Variants in FAM53C observed in about 807,000 individuals in gnomAD.
The protein encoded by FAM53C is protein FAM53C.
Under a neutral mutation model 34.7 loss-of-function variants are expected in FAM53C, and 10 were observed. The ratio of observed to expected loss-of-function variants is 0.29; its 90% confidence interval spans 0.18 to 0.49. The LOEUF (loss-of-function observed/expected upper bound fraction) is 0.49. Among genes scored for constraint, FAM53C ranks in the 20% least tolerant of loss-of-function variants. FAM53C has a pLI of 0.99. For synonymous variants in FAM53C, 203 were observed against 203.6 expected (o/e 1.00, Z 0.03); for missense variants, 442 against 515.3 (o/e 0.86, Z 1.38).
At chr5:138,346,015 G>A (rs1469186327) in intron 4 of FAM53C, among the ~76,000 whole-genome samples, 1 of 152,246 alleles carries the variant, frequency 6.6e-6, no homozygotes, top group Non-Finnish European at 1.5e-5. Context: ...GTCTGTGAGG[G>A]CTGAAGCAAG....
chr5:138,345,349 T>C lies in FAM53C; in HGVS notation c.661T>C (p.Ser221Pro). ...QSGSWESDAE[S>P]LSPCPPQRRF... ...TGGCTCCTGGGAGAGTGATGCTGAG[T>C]CCTTGTCACCTTGCCCACCTCAGCG... Residue 221 changes from serine to proline, a missense_variant, in exon 4 of 5, where the codon TCC (serine) becomes CCC (proline). Coordinates refer to ENST00000239906, the MANE Select transcript of FAM53C (RefSeq NM_016605.3). The surrounding 1 kb of genome is among the most constrained non-coding windows in gnomAD (Gnocchi z 6.3). The C allele has an allele frequency of 2.5e-6, 4 of 1,614,022 alleles. No homozygotes were observed. The highest frequency in any genetic ancestry group is 3.4e-6 in the Non-Finnish European group (4 of 1,180,000).
intron 2 of FAM53C, 120 bp from the exon 3 acceptor site, chr5:138,341,689 A>C (rs190132056): frequency 7.3e-4 from 667 of 918,294 alleles, no homozygotes; most frequent in Middle Eastern, 1.1e-3. Context: ...GAGGAAGAAC[A>C]CTTAATGTCC....
At chr5:138,341,131 C>G in intron 1 of FAM53C, 53 bp from the exon 2 acceptor site, 1 of 678,110 alleles carries the variant, frequency 1.5e-6, no homozygotes, top group Non-Finnish European at 2.8e-6. Flanking sequence ...TTTTCCATCT[C>G]TGGACCAGGT....
At chr5:138,346,482 G>A (rs956228160) in intron 4 of FAM53C, among the ~76,000 whole-genome samples, 21 of 152,300 alleles carry the variant, frequency 1.4e-4, no homozygotes, top group Non-Finnish European at 2.2e-4. Flanking sequence ...AAAATTAGCC[G>A]GGCGTGGGCC....
In FAM53C at chr5:138,345,137, G is replaced by C; in HGVS notation, c.449G>C (p.Ser150Thr). 1 of 1,614,168 alleles carries C rather than the reference G, an allele frequency of 6.2e-7. No individual in the cohort carries two copies. The highest frequency in any genetic ancestry group is 8.5e-7 in the Non-Finnish European group (1 of 1,180,022). Residue 150 changes from serine (S) to threonine (T), a missense_variant, in exon 4 of 5, where the codon AGT becomes ACT. By Grantham distance (58) the Ser-to-Thr change is moderately conservative. Coordinates refer to ENST00000239906, the MANE Select transcript of FAM53C (RefSeq NM_016605.3). The surrounding 1 kb of genome is among the most constrained non-coding windows in gnomAD (Gnocchi z 6.3). Reference protein sequence around the residue: ...KLWTPIKHRGSGGGGGPQVPH... With the variant: ...KLWTPIKHRGTGGGGGPQVPH... ...TGGACTCCCATAAAGCACCGGGGCA[G>C]TGGTGGAGGGGGTGGGCCGCAGGTG...
Position 138,344,497 on chromosome 5 carries a change from G to C in FAM53C, c.137-328G>C, listed in dbSNP as rs1761115294. ...TCTTGACTTCTTTTACCTTTGAGAG[G>C]GAGTGGCAGGCAGTAGATGAAATGT... is the stretch of plus-strand genomic sequence containing the variant. On this transcript the variant is annotated intron_variant, in intron 3 of 4. Transcript: ENST00000239906. Among the ~76,000 whole-genome samples, 4 of 152,354 alleles carry C rather than the reference G, an allele frequency of 2.6e-5. No homozygotes were observed. In the South Asian group the frequency reaches 8.3e-4, roughly 32 times the overall value.
rs1350076430 is a variant in FAM53C at position 138,345,111 on chromosome 5, G to T, written c.423G>T (p.Leu141=). 6.2e-7 allele frequency: 1 copy of T among 1,613,956 alleles called. No homozygotes were observed. The highest frequency in any genetic ancestry group is 1.1e-5 in the South Asian group (1 of 91,082). Residue 141 remains leucine (L), a synonymous_variant, in exon 4 of 5, where the codon CTG becomes CTT. Transcript: ENST00000239906. This position sits in a 1 kb window ranked among gnomAD's most constrained non-coding sequence, Gnocchi z 6.3. The stretch of plus-strand genomic sequence containing the variant: ...TGTGGCGGCCCGCCCCCTCCAAGCT[G>T]TGGACTCCCATAAAGCACCGGGGCA... ...QPVWRPAPSK[L]WTPIKHRGSG...
intron 2 of FAM53C, 155 bp downstream of exon 2, chr5:138,341,568 G>A (rs1761035137): frequency 2.5e-6 from 2 of 809,836 alleles, no homozygotes; most frequent in African/African-American, 1.7e-5. Context: ...CCAAAAGGAA[G>A]GGGGCAGGGA....
rs566794397 is a variant in FAM53C, at chr5:138,346,896, C to G, written c.1116C>G (p.Ser372Arg). The stretch of plus-strand genomic sequence containing the variant: ...TGCGGTGGGGTCGGCAGGCGCTGAG[C>G]AAGCGGACACTGTGCCAGCGGGACT... ...GAVRWGRQAL[S>R]KRTLCQRDFG... The change falls in exon 5 of 5, where the codon AGC becomes AGG. Residue 372 changes from serine (S) to arginine (R), a missense_variant. By Grantham distance (110) the Ser-to-Arg change is moderately radical. Transcript: ENST00000239906. 1 of 1,614,128 alleles carries G rather than the reference C, an allele frequency of 6.2e-7. No homozygotes were observed. Among genetic ancestry groups the G allele is most frequent in the East Asian group, 2.2e-5 (1 of 44,872 alleles).
Position 138,341,399 on chromosome 5 carries a change from T to G in FAM53C, c.64T>G (p.Phe22Val). The G allele has an allele frequency of 5.6e-6, 9 of 1,613,968 alleles. No homozygotes were observed. Among genetic ancestry groups the G allele is most frequent in the Non-Finnish European group, 7.6e-6 (9 of 1,179,904 alleles). ...TCTGGATGAGCTGAAATGCACACGC[T>G]TCAGCATCAGTCTGGTAAAAGACCA... ...QTLDELKCTR[F>V]SISLPLPDHA... The change falls in exon 2 of 5, where the codon TTC becomes GTC. Residue 22 changes from phenylalanine to valine, a missense_variant. By Grantham distance (50) the Phe-to-Val change is conservative (BLOSUM62 -1). Coordinates refer to ENST00000239906, the MANE Select transcript of FAM53C (RefSeq NM_016605.3).
chr5:138,346,879 G>T lies in FAM53C; in HGVS notation c.1099G>T (p.Gly367Cys). The T allele has an allele frequency of 1.2e-6, 2 of 1,614,150 alleles. No homozygotes were observed. Among genetic ancestry groups the T allele is most frequent in the Middle Eastern group, 3.3e-4 (2 of 6,038 alleles). ...EEEEEGAVRW[G>C]RQALSKRTLC... ...GGAGGAGGAGGGGGCTGTGCGGTGG[G>T]GTCGGCAGGCGCTGAGCAAGCGGAC... The change falls in exon 5 of 5, where the codon GGT becomes TGT. Residue 367 changes from glycine (G) to cysteine (C), a missense_variant. Coordinates refer to ENST00000239906, the MANE Select transcript of FAM53C (RefSeq NM_016605.3).
chr5:138,343,952 C>T (rs1257980573), intron 3 of FAM53C, among the ~76,000 whole-genome samples: 1 of 152,176 alleles, frequency 6.6e-6, no homozygotes, highest in African/African-American at 2.4e-5. Flanking sequence ...GTATACTTGT[C>T]GTTTGCCCCA....
In FAM53C at chr5:138,341,359, G is replaced by T; in HGVS notation, c.24G>T (p.Gln8His). ...TCATGATAACCCTGATCACTGAGCA[G>T]CTACAGAAGCAGACTCTGGATGAGC... MITLITE[Q>H]LQKQTLDELK... The change falls in exon 2 of 5, where the codon CAG becomes CAT. Residue 8 changes from glutamine to histidine, a missense_variant. Transcript: ENST00000239906. 1 of 1,614,136 alleles carries T rather than the reference G, an allele frequency of 6.2e-7. No homozygotes were observed. Among genetic ancestry groups the T allele is most frequent in the Non-Finnish European group, 8.5e-7 (1 of 1,179,992 alleles).
Position 138,341,269 on chromosome 5 carries a change from G to A in FAM53C, c.-67G>A, listed in dbSNP as rs1287879869. The A allele has an allele frequency of 1.5e-6, 2 of 1,375,230 alleles. No homozygotes were observed. Among genetic ancestry groups the A allele is most frequent in the South Asian group, 1.2e-5 (1 of 86,262 alleles). 85.2% of individuals were successfully genotyped at this position (1,375,230 alleles called of 1,614,324 possible). A position where few individuals can be genotyped will look rare whatever the true frequency, so the allele number is the denominator to read the frequency against. On this transcript the variant is annotated 5_prime_UTR_variant, in exon 2 of 5. An upstream open reading frame in the 5' UTR gains an earlier in-frame stop. Coordinates refer to ENST00000239906, the MANE Select transcript of FAM53C (RefSeq NM_016605.3). Reference sequence around the variant, plus strand: ...AGAAGACGGCTCACAAGTGAGGTCTGGAAGAACAACAGGGAAGACATCCAT... The same window carrying A: ...AGAAGACGGCTCACAAGTGAGGTCTAGAAGAACAACAGGGAAGACATCCAT...
rs1761149524 is a variant in FAM53C, at chr5:138,345,554, A to G, written c.866A>G (p.His289Arg). The part of the protein sequence containing the change: ...DARKTGVKRR[H>R]EEDPRRLRPS... ...CGCAAAACTGGGGTCAAGCGGCGCCACGAGGAAGACCCCCGGCGTCTGCGG... is the reference window on the plus strand; with the variant it reads ...CGCAAAACTGGGGTCAAGCGGCGCCGCGAGGAAGACCCCCGGCGTCTGCGG... Residue 289 changes from histidine to arginine, a missense_variant, in exon 4 of 5, where the codon CAC (histidine) becomes CGC (arginine). By Grantham distance (29) the His-to-Arg change is conservative. Coordinates refer to ENST00000239906, the MANE Select transcript of FAM53C (RefSeq NM_016605.3). This position sits in a 1 kb window ranked among gnomAD's most constrained non-coding sequence, Gnocchi z 6.3. The G allele has an allele frequency of 6.2e-7, 1 of 1,613,772 alleles. No homozygotes were observed. Among genetic ancestry groups the G allele is most frequent in the South Asian group, 1.1e-5 (1 of 91,082 alleles).
intron 1 of FAM53C, 65 bp downstream of exon 1, chr5:138,338,372 T>G: frequency 2.6e-6 from 1 of 390,692 alleles, no homozygotes; most frequent in Non-Finnish European, 5.0e-6. Flanking sequence ...CCCTCCCTCC[T>G]TCCCTCTTTC....
upstream of FAM53C, chr5:138,338,119 C>A: frequency 1.6e-6 from 2 of 1,289,794 alleles, no homozygotes; most frequent in South Asian, 2.5e-5. Context: ...CCGAGAGACA[C>A]TTTGAGAGAG....
upstream of FAM53C, chr5:138,337,934 C>A (rs56316522): frequency 0.18 from 230,988 of 1,285,524 alleles, 22,065 homozygotes; most frequent in South Asian, 0.24. Flanking sequence ...GGAGGGAGGG[C>A]AGGGGCGATG....
rs1580853885 is a variant in FAM53C at position 138,341,379 on chromosome 5, A to G, written c.44A>G (p.Asp15Gly). 6.2e-7 allele frequency: 1 copy of G among 1,614,136 alleles called. No homozygotes were observed. The change falls in exon 2 of 5, where the codon GAT (aspartate) becomes GGT (glycine). Residue 15 changes from aspartate (D) to glycine (G), a missense_variant. Coordinates refer to ENST00000239906, the MANE Select transcript of FAM53C (RefSeq NM_016605.3). Reference protein sequence around the residue: ...ITEQLQKQTLDELKCTRFSIS... With the variant: ...ITEQLQKQTLGELKCTRFSIS... ...GAGCAGCTACAGAAGCAGACTCTGG[A>G]TGAGCTGAAATGCACACGCTTCAGC...
Sources: allele counts gnomAD v4.1 joint callset (sites outside exome capture counted in the v4.1 genomes callset), GRCh38; gene constraint gnomAD v4.1.1; non-coding constraint Gnocchi (gnomAD v3.1); transcripts MANE v1.5; gene names NCBI Gene and HGNC (gene_info 2026-07-23, HGNC 2026-07-21).